NDRG1: variants seen among roughly 807,000 people sequenced by gnomAD.
NDRG1 encodes the protein N-myc downstream regulated 1.
In NDRG1, 32 loss-of-function variants were observed where a neutral mutation model predicts 56.9. The ratio of observed to expected loss-of-function variants is 0.56; its 90% confidence interval spans 0.42 to 0.76. The LOEUF (loss-of-function observed/expected upper bound fraction) is 0.76, where lower values mean the gene tolerates loss of function less well. NDRG1 is among the 30% of genes least tolerant of loss of function. NDRG1 has a pLI of 0.00. For missense variants in NDRG1, 507 were observed against 545.7 expected (o/e 0.93, Z 0.71); for synonymous variants, 211 against 204.1 (o/e 1.03, Z -0.29).
intron 3 of NDRG1, among the ~76,000 whole-genome samples, chr8:133,269,472 T>C (rs765967019): frequency 2.6e-5 from 4 of 152,218 alleles, no homozygotes; most frequent in Non-Finnish European, 4.4e-5. Context: ...CACTGCATCT[T>C]ACCCCATGCC....
intron 7 of NDRG1, among the ~76,000 whole-genome samples, chr8:133,257,084 CAGG>C (rs1306241386): frequency 6.6e-6 from 1 of 152,148 alleles, no homozygotes; most frequent in Non-Finnish European, 1.5e-5. Flanking sequence ...AGAGGAAGTG[CAGG>C]AGAAGTAGGA....
chr8:133,264,691 G>T (rs754265588), intron 3 of NDRG1, 39 bp from the exon 4 acceptor site: 1 of 1,556,446 alleles, frequency 6.4e-7, no homozygotes, highest in Non-Finnish European at 8.9e-7. Context: ...GTCATGTGGG[G>T]TTCATGGCAT....
Position 133,239,077 on chromosome 8 carries a change from G to A in NDRG1, c.986C>T (p.Ala329Val), listed in dbSNP as rs1049669123. 8 of 1,578,414 alleles carry A rather than the reference G, an allele frequency of 5.1e-6. No homozygotes were observed. The highest frequency in any genetic ancestry group is 1.3e-5 in the African/African-American group (1 of 74,538). ...CAGAGAAGTGACGCTGGAACCAGAGGCTGTGCGGGACCGCATCAGGCGGGT... is the reference window on the plus strand; with the variant it reads ...CAGAGAAGTGACGCTGGAACCAGAGACTGTGCGGGACCGCATCAGGCGGGT... The part of the protein sequence containing the change: ...SMTRLMRSRT[A>V]SGSSVTSLDG... Residue 329 changes from alanine (A) to valine (V), a missense_variant, in exon 16 of 16, where the codon GCC becomes GTC. Physicochemically the swap from Ala to Val is moderately conservative, Grantham distance 64. Transcript: ENST00000323851.
intron 12 of NDRG1, among the ~76,000 whole-genome samples, chr8:133,247,132 C>A (rs1201448364): frequency 6.6e-6 from 1 of 152,142 alleles, no homozygotes; most frequent in South Asian, 2.1e-4. Context: ...TGGAATTGGG[C>A]AGAATACCCA....
intron 3 of NDRG1, among the ~76,000 whole-genome samples, chr8:133,275,404 A>G (rs1430022045): frequency 6.6e-6 from 1 of 152,234 alleles, no homozygotes; most frequent in Non-Finnish European, 1.5e-5. Flanking sequence ...GCTTACAGGA[A>G]TAACACATTT....
At chr8:133,257,316 C>CACACACAGAG (rs756183850) in intron 7 of NDRG1, among the ~76,000 whole-genome samples, 9 of 129,628 alleles carry the variant, frequency 6.9e-5, no homozygotes, top group African/African-American at 2.5e-4. Context: ...CACACACACA[C>CACACACAGAG]AGAGAGAGAG....
At chr8:133,280,402 A>C (rs1586482147) in intron 2 of NDRG1, 135 bp from the exon 3 acceptor site, 6 of 751,792 alleles carry the variant, frequency 8.0e-6, no homozygotes, top group East Asian at 2.7e-5. Context: ...TTAATTCCTC[A>C]CAAAGGCAGG....
At chr8:133,284,121 A>C in intron 2 of NDRG1, 128 bp downstream of exon 2, 1 of 825,468 alleles carries the variant, frequency 1.2e-6, no homozygotes, top group Non-Finnish European at 2.1e-6. Flanking sequence ...TGCCGTGTGT[A>C]TGCTGTATAC....
intron 14 of NDRG1, among the ~76,000 whole-genome samples, chr8:133,243,476 A>C (rs1409228404): frequency 6.6e-6 from 1 of 152,214 alleles, no homozygotes; most frequent in African/African-American, 2.4e-5. Flanking sequence ...GCAAGGACCT[A>C]ATTTAATCAA....
At chr8:133,289,865 C>G (rs1310046017) in intron 1 of NDRG1, among the ~76,000 whole-genome samples, 1 of 152,204 alleles carries the variant, frequency 6.6e-6, no homozygotes, top group African/African-American at 2.4e-5. Flanking sequence ...CTTTCCTATT[C>G]CATGACTCTG....
rs1452052214 is a variant in NDRG1, at chr8:133,258,367, G to A, written c.449C>T (p.Ala150Val). The change falls in exon 7 of 16, where the codon GCT (alanine) becomes GTT (valine). Residue 150 changes from alanine (A) to valine (V), a missense_variant and splice_region_variant. Ala to Val is a moderately conservative substitution (Grantham distance 64). Coordinates refer to ENST00000323851, the MANE Select transcript of NDRG1 (RefSeq NM_006096.4). ...TTCAAAAAATGCCAAAGCACTCACA[G>A]CAAATCGAGTTAGGATGTAGGCGCC... The part of the protein sequence containing the change: ...GAGAYILTRF[A>V]LNNPEMVEGL... The A allele has an allele frequency of 3.7e-6, 6 of 1,610,864 alleles. No homozygotes were observed. Among genetic ancestry groups the A allele is most frequent in the South Asian group, 2.2e-5 (2 of 90,250 alleles).
chr8:133,258,225 C>CA lies in NDRG1; in HGVS notation c.450+140_450+141insT, dbSNP rs1856478996. 4 of 758,938 alleles carry CA rather than the reference C, an allele frequency of 5.3e-6. No individual in the cohort carries two copies. The African/African-American group carries it at 5.3e-5, about 10-fold the overall frequency. 47.0% of individuals were successfully genotyped at this position (758,938 alleles called of 1,614,324 possible). A position where few individuals can be genotyped will look rare whatever the true frequency, so the allele number is the denominator to read the frequency against. The stretch of plus-strand genomic sequence containing the variant: ...ATATATATATACGAGTACCCATGCA[C>CA]CACACACACACACACACACAACTGT... On this transcript the variant is annotated intron_variant, in intron 7 of 15. Coordinates refer to ENST00000323851, the MANE Select transcript of NDRG1 (RefSeq NM_006096.4).
intron 3 of NDRG1, among the ~76,000 whole-genome samples, chr8:133,269,379 C>T (rs1857076918): frequency 6.6e-6 from 1 of 152,226 alleles, no homozygotes; most frequent in African/African-American, 2.4e-5. Context: ...ACACACTTTC[C>T]TCTCACCTGC....
At chr8:133,281,874 C>T (rs1223846600) in intron 2 of NDRG1, among the ~76,000 whole-genome samples, 1 of 152,152 alleles carries the variant, frequency 6.6e-6, no homozygotes, top group East Asian at 1.9e-4. Flanking sequence ...TGAGTGTGTA[C>T]TGGTGGGAAA....
intron 3 of NDRG1, among the ~76,000 whole-genome samples, chr8:133,265,645 G>C (rs960570615): frequency 6.6e-6 from 1 of 151,824 alleles, no homozygotes; most frequent in Non-Finnish European, 1.5e-5. Context: ...GCACCTCTCC[G>C]CACCAAACCT....
chr8:133,284,913 G>A (rs934021374), intron 1 of NDRG1: 1 of 451,084 alleles, frequency 2.2e-6, no homozygotes, highest in Non-Finnish European at 4.5e-6. Context: ...GGGAAGAGGG[G>A]CAGAGGAAAA....
At chr8:133,280,467 A>AG (rs1265234124) in intron 2 of NDRG1, among the ~76,000 whole-genome samples, 200 bp from the exon 3 acceptor site, 3 of 138,676 alleles carry the variant, frequency 2.2e-5, no homozygotes, top group Non-Finnish European at 4.6e-5. Context: ...TCTGTCGCCC[A>AG]GGTTAGAGTA....
intron 2 of NDRG1, among the ~76,000 whole-genome samples, chr8:133,281,590 C>A (rs1437341158): frequency 1.3e-5 from 2 of 152,064 alleles, no homozygotes; most frequent in East Asian, 1.9e-4. Context: ...GAAAACTGAG[C>A]CCCAGCCTCA....
chr8:133,282,297 A>G (rs1036289629), intron 2 of NDRG1, among the ~76,000 whole-genome samples: 38 of 152,244 alleles, frequency 2.5e-4, no homozygotes, highest in African/African-American at 3.1e-4. Flanking sequence ...TGAAAGATAC[A>G]AGGGTGCAAA....
Sources: gnomAD v4.1 joint callset for allele counts (sites outside exome capture counted in the v4.1 genomes callset) on GRCh38, gnomAD v4.1.1 for gene constraint, MANE v1.5 for transcripts, NCBI Gene and HGNC (gene_info 2026-07-23, HGNC 2026-07-21) for gene names.